ADGRL3: variants seen among roughly 807,000 people sequenced by gnomAD.
ADGRL3 encodes adhesion G protein-coupled receptor L3, also known as calcium-independent alpha-latrotoxin receptor 3.
ADGRL3 carries 62 observed loss-of-function variants against 153.5 expected under a neutral mutation model. The ratio of observed to expected loss-of-function variants is 0.40; its 90% CI spans 0.33 to 0.50. ADGRL3 has a LOEUF of 0.50. ADGRL3 is among the 20% of genes least tolerant of loss of function. ADGRL3 has a pLI of 0.47. For synonymous variants in ADGRL3, 710 were observed against 672.5 expected, an observed-to-expected ratio of 1.06 and a Z score of -0.86; for missense variants, 1,641 against 1,859.4, an observed-to-expected ratio of 0.88 and a Z score of 2.16.
At chr4:61,767,416 A>C (rs373593668) in intron 8 of ADGRL3, among the ~76,000 whole-genome samples, 1 of 151,942 alleles carries the variant, frequency 6.6e-6, no homozygotes, top group African/African-American at 2.4e-5. Flanking sequence ...AGGGAAACAG[A>C]CCCTTGAAAA....
At chr4:61,494,546 T>G (rs772383880) in intron 2 of ADGRL3, among the ~76,000 whole-genome samples, 2 of 152,236 alleles carry the variant, frequency 1.3e-5, no homozygotes, top group Non-Finnish European at 2.9e-5. Context: ...AAATTTCTTT[T>G]CTGAGTTATA....
chr4:61,463,687 G>T (rs1490101665), intron 2 of ADGRL3, among the ~76,000 whole-genome samples: 1 of 151,962 alleles, frequency 6.6e-6, no homozygotes, highest in African/African-American at 2.4e-5. Context: ...ACATTGAAAA[G>T]AAAAAATACA....
intron 1 of ADGRL3, among the ~76,000 whole-genome samples, chr4:61,262,351 T>C (rs66697178): frequency 0.22 from 32,906 of 152,106 alleles, 3,747 homozygotes; most frequent in South Asian, 0.35. Flanking sequence ...TTTGGCATGA[T>C]TTCACTAAAA....
At chr4:61,949,033 A>C (rs1022020863) in intron 17 of ADGRL3, among the ~76,000 whole-genome samples, 11 of 151,170 alleles carry the variant, frequency 7.3e-5, no homozygotes, top group African/African-American at 2.2e-4. Flanking sequence ...AAAAAAAAAC[A>C]CTAAGCAGGT....
intron 2 of ADGRL3, among the ~76,000 whole-genome samples, chr4:61,483,215 A>G (rs962904280): frequency 6.6e-6 from 1 of 152,132 alleles, no homozygotes; most frequent in Non-Finnish European, 1.5e-5. Flanking sequence ...TATTTGATTG[A>G]TTTAATTATC....
intron 5 of ADGRL3, among the ~76,000 whole-genome samples, chr4:61,612,894 A>C (rs2149707970): frequency 6.6e-6 from 1 of 152,254 alleles, no homozygotes; most frequent in South Asian, 2.1e-4. Context: ...CCAGGGCATA[A>C]CTGGGAGCTA....
intron 9 of ADGRL3, among the ~76,000 whole-genome samples, chr4:61,851,577 G>A (rs1486793262): frequency 1.6e-5 from 2 of 123,842 alleles, no homozygotes; most frequent in African/African-American, 6.4e-5. Flanking sequence ...GCAACAGAGT[G>A]AGACCATGTC....
intron 21 of ADGRL3, among the ~76,000 whole-genome samples, chr4:62,027,483 C>T (rs1719390830): frequency 6.6e-6 from 1 of 151,894 alleles, no homozygotes; most frequent in Non-Finnish European, 1.5e-5. Context: ...ATGTAAATAG[C>T]CAGACATGAC....
rs1190265340 is a variant in ADGRL3, at chr4:61,895,785, C to T, written c.1838C>T (p.Pro613Leu). 6.2e-7 allele frequency: 1 copy of T among 1,600,446 alleles called. No homozygotes were observed. The highest frequency in any genetic ancestry group is 8.5e-7 in the Non-Finnish European group (1 of 1,172,820). Residue 613 changes from proline to leucine, a missense_variant, in exon 11 of 27, where the codon CCA becomes CTA. Physicochemically the swap from Pro to Leu is moderately conservative, Grantham distance 98. Transcript: ENST00000683033. ...APDGIWDPQG[P>L]DLSNCSSPWV... ...GATGGAATTTGGGATCCCCAAGGTC[C>T]AGATCTCAGCAACTGTTCTTCTCCT...
chr4:61,861,579 G>A (rs1385430016), intron 9 of ADGRL3, among the ~76,000 whole-genome samples: 4 of 151,918 alleles, frequency 2.6e-5, no homozygotes, highest in African/African-American at 9.7e-5. Flanking sequence ...AAATTTGGTG[G>A]CATAAACTAT....
intron 6 of ADGRL3, among the ~76,000 whole-genome samples, chr4:61,713,082 T>A (rs1325194324): frequency 1.3e-5 from 2 of 152,146 alleles, no homozygotes; most frequent in African/African-American, 4.8e-5. Context: ...GATAAAACTT[T>A]ATAATTATTT....
intron 6 of ADGRL3, among the ~76,000 whole-genome samples, chr4:61,725,967 A>G (rs1442618835): frequency 2.6e-5 from 4 of 151,510 alleles, no homozygotes; most frequent in African/African-American, 9.8e-5. Flanking sequence ...TAATACTTCA[A>G]TAATTAAATA....
chr4:61,528,396 T>C (rs1235684345), intron 4 of ADGRL3, among the ~76,000 whole-genome samples: 5 of 152,114 alleles, frequency 3.3e-5, no homozygotes, highest in Admixed American at 1.3e-4. Flanking sequence ...TCTGTTTTTC[T>C]CCTTGGACTC....
intron 1 of ADGRL3, among the ~76,000 whole-genome samples, chr4:61,333,944 C>G (rs1390809523): frequency 1.4e-5 from 2 of 140,812 alleles, no homozygotes; most frequent in Non-Finnish European, 3.0e-5. Flanking sequence ...TTTAGAAAGT[C>G]TCTTTCTGCC....
chr4:61,864,075 A>G (rs1469268300), intron 9 of ADGRL3, among the ~76,000 whole-genome samples: 1 of 152,204 alleles, frequency 6.6e-6, no homozygotes, highest in Non-Finnish European at 1.5e-5. Flanking sequence ...TAACCCGGAC[A>G]TATTTAAGTG....
At chr4:61,430,040 C>G (rs1210297871) in intron 2 of ADGRL3, among the ~76,000 whole-genome samples, 1 of 152,092 alleles carries the variant, frequency 6.6e-6, no homozygotes, top group African/African-American at 2.4e-5. Flanking sequence ...AATGCTTTAT[C>G]TTCTAAAACA....
At chr4:61,756,027 G>A (rs2096825703) in intron 8 of ADGRL3, among the ~76,000 whole-genome samples, 1 of 152,152 alleles carries the variant, frequency 6.6e-6, no homozygotes, top group Admixed American at 6.5e-5. Context: ...CTGTAGCCTT[G>A]TAGTATAGTT....
chr4:61,273,767 T>C (rs1240707705), intron 1 of ADGRL3, among the ~76,000 whole-genome samples: 1 of 152,144 alleles, frequency 6.6e-6, no homozygotes, highest in Non-Finnish European at 1.5e-5. Context: ...TAACTACTAC[T>C]TCCCCGCACC....
intron 17 of ADGRL3, among the ~76,000 whole-genome samples, chr4:61,960,661 T>C (rs1160152353): frequency 6.6e-6 from 1 of 152,218 alleles, no homozygotes; most frequent in Non-Finnish European, 1.5e-5. Context: ...CTAAATGATG[T>C]AATGATGTAC....
Sources: allele counts gnomAD v4.1 joint callset (sites outside exome capture counted in the v4.1 genomes callset), GRCh38; gene constraint gnomAD v4.1.1; transcripts MANE v1.5; gene names NCBI Gene and HGNC (gene_info 2026-07-23, HGNC 2026-07-21).